Variants in RBMS3 observed in about 807,000 individuals in gnomAD.
RBMS3 encodes RNA binding motif single stranded interacting protein 3, also known as RNA-binding motif, single-stranded-interacting protein 3.
A neutral mutation model predicts 66.8 loss-of-function variants in RBMS3; 27 were observed. The ratio of observed to expected loss-of-function variants is 0.40; its 90% confidence interval spans 0.30 to 0.56. The LOEUF (loss-of-function observed/expected upper bound fraction) is 0.56. RBMS3 is among the 20% of genes least tolerant of loss of function. RBMS3 has a pLI of 0.40. For missense variants in RBMS3, 513 were observed against 549.5 expected (o/e 0.93, Z 0.66); for synonymous variants, 188 against 183.0 (o/e 1.03, Z -0.22).
intron 4 of RBMS3, among the ~76,000 whole-genome samples, chr3:29,630,664 T>C (rs1259388359): frequency 1.3e-5 from 2 of 151,984 alleles, no homozygotes. Flanking sequence ...AGAAATATAA[T>C]GTTTAAGCCC....
At position 29,281,394 on chromosome 3, in the gene RBMS3, G is replaced by A; in HGVS notation, c.-288G>A. ...AGAACAAACTGCCTCATCCCAAGTG[G>A]ACCCCGGCAGCTGGGGGAAGCCAGG... On this transcript the variant is annotated 5_prime_UTR_variant, in exon 1 of 15. Transcript: ENST00000383767. 2.1e-6 allele frequency: 1 copy of A among 474,604 alleles called. No homozygotes were observed. 29.4% of individuals were successfully genotyped at this position (474,604 alleles called of 1,614,324 possible). A position where few individuals can be genotyped will look rare whatever the true frequency, so the allele number is the denominator to read the frequency against.
chr3:29,868,572 T>C (rs2059415828), intron 6 of RBMS3, among the ~76,000 whole-genome samples: 1 of 152,156 alleles, frequency 6.6e-6, no homozygotes, highest in East Asian at 1.9e-4. Context: ...ACTGGAAGGG[T>C]CGGTGCTTGC....
At chr3:29,560,765 A>G (rs771572732) in intron 3 of RBMS3, among the ~76,000 whole-genome samples, 1 of 152,210 alleles carries the variant, frequency 6.6e-6, no homozygotes, top group Non-Finnish European at 1.5e-5. Flanking sequence ...AAGTGCAGGA[A>G]TACAAGTGCA....
chr3:29,397,104 GA>G (rs1365126205), intron 1 of RBMS3, among the ~76,000 whole-genome samples: 1 of 152,066 alleles, frequency 6.6e-6, no homozygotes, highest in East Asian at 1.9e-4. Context: ...AATTCAATAT[GA>G]ACTTCAAATC....
intron 6 of RBMS3, among the ~76,000 whole-genome samples, chr3:29,795,903 C>T (rs1323629130): frequency 6.6e-6 from 1 of 152,144 alleles, no homozygotes; most frequent in Non-Finnish European, 1.5e-5. Flanking sequence ...ATGTACCAGC[C>T]TATTTTGAAT....
rs796251796 is a variant in RBMS3, at chr3:29,922,410, C to T, written c.940-13676C>T. Among the ~76,000 whole-genome samples, 819 of 150,296 alleles carry T rather than the reference C, an allele frequency of 5.4e-3. 2 individuals are homozygous for T. Among genetic ancestry groups the T allele is most frequent in the African/African-American group, 0.019 (781 of 40,948 alleles). ...GCTGAGGCAGGAGAATGGCGTGAAC[C>T]CGGGAAGCGGAGCTTTCAGTGAGCC... On this transcript the variant is annotated intron_variant, in intron 10 of 14. Transcript: ENST00000383767.
At chr3:29,819,637 C>T (rs2058020128) in intron 6 of RBMS3, among the ~76,000 whole-genome samples, 1 of 152,022 alleles carries the variant, frequency 6.6e-6, no homozygotes, top group Admixed American at 6.6e-5. Context: ...TTTAATCCCC[C>T]ATTTTTTCAC....
intron 4 of RBMS3, among the ~76,000 whole-genome samples, chr3:29,729,667 A>G (rs1179204661): frequency 1.3e-5 from 2 of 152,080 alleles, no homozygotes; most frequent in Admixed American, 6.6e-5. Flanking sequence ...CTGACTTTTT[A>G]ATGATCACCA....
chr3:29,924,110 T>A (rs1417820890), intron 10 of RBMS3, among the ~76,000 whole-genome samples: 1 of 152,228 alleles, frequency 6.6e-6, no homozygotes, highest in Non-Finnish European at 1.5e-5. Context: ...CCCTGTTACA[T>A]GACCAAAGGG....
At chr3:29,283,571 A>C (rs549181982) in intron 1 of RBMS3, among the ~76,000 whole-genome samples, 1 of 152,050 alleles carries the variant, frequency 6.6e-6, no homozygotes, top group Non-Finnish European at 1.5e-5. Flanking sequence ...TTGGAGTTCT[A>C]TGTAGTTTAG....
At chr3:29,644,898 T>G (rs980152250) in intron 4 of RBMS3, among the ~76,000 whole-genome samples, 6 of 152,182 alleles carry the variant, frequency 3.9e-5, no homozygotes, top group African/African-American at 1.4e-4. Context: ...TACATCAACT[T>G]ACATAACATC....
intron 2 of RBMS3, among the ~76,000 whole-genome samples, chr3:29,445,987 G>A (rs767061707): frequency 1.3e-5 from 2 of 152,096 alleles, no homozygotes; most frequent in East Asian, 3.9e-4. Context: ...TTTTGAAAAT[G>A]CATGTACCTA....
intron 4 of RBMS3, chr3:29,696,824 A>G: frequency 4.5e-6 from 2 of 440,414 alleles, no homozygotes; most frequent in Non-Finnish European, 6.0e-6. Context: ...GGGCAACTCC[A>G]AGAGCCAGTG....
intron 4 of RBMS3, among the ~76,000 whole-genome samples, chr3:29,637,515 G>A (rs1056504062): frequency 2.0e-5 from 3 of 151,814 alleles, no homozygotes; most frequent in African/African-American, 7.3e-5. Context: ...AGACATATGA[G>A]CTTATTAAAA....
chr3:29,287,878 A>G (rs11129359), intron 1 of RBMS3, among the ~76,000 whole-genome samples: 8,546 of 152,032 alleles, frequency 0.056, 836 homozygotes, highest in African/African-American at 0.2. Flanking sequence ...AGAGTGGCAG[A>G]CTGAGATGAG....
chr3:29,509,875 T>G (rs2044330149), intron 3 of RBMS3, among the ~76,000 whole-genome samples: 1 of 152,254 alleles, frequency 6.6e-6, no homozygotes, highest in African/African-American at 2.4e-5. Context: ...TGTTCACTCA[T>G]GCTTAGCACA....
chr3:29,608,348 A>G (rs948586042), intron 4 of RBMS3, among the ~76,000 whole-genome samples: 1 of 152,022 alleles, frequency 6.6e-6, no homozygotes, highest in African/African-American at 2.4e-5. Context: ...AGAATTAGCT[A>G]GAAAAATGAC....
intron 4 of RBMS3, chr3:29,730,768 A>T: frequency 1.4e-6 from 1 of 715,328 alleles, no homozygotes; most frequent in Non-Finnish European, 1.7e-6. Context: ...TCCTGTTCTC[A>T]TTTTTGACCA....
chr3:29,758,195 A>G (rs1341853375), intron 5 of RBMS3, among the ~76,000 whole-genome samples: 2 of 152,190 alleles, frequency 1.3e-5, no homozygotes, highest in African/African-American at 2.4e-5. Context: ...AGCAGGACCC[A>G]TCCTACTCTT....
Sources: allele counts gnomAD v4.1 joint callset (sites outside exome capture counted in the v4.1 genomes callset), GRCh38; gene constraint gnomAD v4.1.1; transcripts MANE v1.5; gene names NCBI Gene and HGNC (gene_info 2026-07-23, HGNC 2026-07-21).